Variants in KLF12 observed in about 807,000 individuals in gnomAD.
The protein encoded by KLF12 is KLF transcription factor 12, also known as Krueppel-like factor 12.
A neutral mutation model predicts 37.8 loss-of-function variants in KLF12; 9 were observed. The observed-to-expected ratio is 0.24, with a 90% confidence interval of 0.14 to 0.42. KLF12 has a LOEUF of 0.42. KLF12 is among the 10% of genes least tolerant of loss of function. The probability of loss-of-function intolerance (pLI) is 1.00; values close to 1 mark genes in which losing one functional copy is unlikely to be tolerated. For synonymous variants in KLF12, 208 were observed against 202.1 expected (o/e 1.03, Z -0.25); for missense variants, 411 against 516.0 (o/e 0.80, Z 1.97).
the KLF12 span, among the ~76,000 whole-genome samples, chr13:74,145,254 A>C: frequency 3.9e-5 from 6 of 152,142 alleles, no homozygotes; most frequent in South Asian, 1.0e-3. Flanking sequence ...TCACTATCAA[A>C]CTTGTGATTA....
chr13:74,138,385 T>C (rs954967570), upstream of KLF12, among the ~76,000 whole-genome samples: 2 of 152,214 alleles, frequency 1.3e-5, no homozygotes, highest in African/African-American at 4.8e-5. Flanking sequence ...AGCCTCTATT[T>C]TTCATATGTC....
chr13:73,726,100 G>T (rs981671356), intron 6 of KLF12, among the ~76,000 whole-genome samples: 4 of 151,916 alleles, frequency 2.6e-5, no homozygotes, highest in Non-Finnish European at 5.9e-5. Flanking sequence ...TGATCCGCCC[G>T]CCTCGGCCTC....
chr13:74,073,862 CA>C (rs1874415808), intron 1 of KLF12, among the ~76,000 whole-genome samples: 2 of 152,170 alleles, frequency 1.3e-5, no homozygotes. Flanking sequence ...TATCATTATG[CA>C]TGGTCGCATA....
At chr13:73,810,974 T>TTTTCTTTC (rs1248945543) in intron 5 of KLF12, among the ~76,000 whole-genome samples, 36 of 117,274 alleles carry the variant, frequency 3.1e-4, no homozygotes, top group African/African-American at 1.1e-3. Flanking sequence ...TTTTTTTAAT[T>TTTTCTTTC]TTTCTTTCTT....
At chr13:74,171,674 A>T in the KLF12 span, among the ~76,000 whole-genome samples, 2 of 152,216 alleles carry the variant, frequency 1.3e-5, no homozygotes, top group African/African-American at 2.4e-5. Context: ...GTGGAAGTAG[A>T]GTATAATGAA....
At chr13:73,845,370 T>G (rs1051717026) in intron 4 of KLF12, among the ~76,000 whole-genome samples, 1 of 152,190 alleles carries the variant, frequency 6.6e-6, no homozygotes, top group African/African-American at 2.4e-5. Context: ...GCACTGCAAC[T>G]TCACAACATT....
intron 6 of KLF12, among the ~76,000 whole-genome samples, chr13:73,720,270 C>G (rs1404703056): frequency 6.6e-6 from 1 of 152,174 alleles, no homozygotes; most frequent in Non-Finnish European, 1.5e-5. Context: ...CCTATGCTTT[C>G]TGAGCAACAT....
chr13:73,874,200 A>G (rs1394801151), intron 3 of KLF12, among the ~76,000 whole-genome samples: 3 of 152,224 alleles, frequency 2.0e-5, no homozygotes, highest in African/African-American at 4.8e-5. Context: ...GATTGTCTGA[A>G]TATTTGACCT....
At chr13:74,037,147 G>A (rs1413605630) in intron 1 of KLF12, among the ~76,000 whole-genome samples, 1 of 147,168 alleles carries the variant, frequency 6.8e-6, no homozygotes, top group Non-Finnish European at 1.5e-5. Context: ...AGGTTGCAGT[G>A]AGCCGAGATC....
At chr13:73,734,819 G>C (rs1877330827) in intron 6 of KLF12, among the ~76,000 whole-genome samples, 1 of 152,030 alleles carries the variant, frequency 6.6e-6, no homozygotes, top group Non-Finnish European at 1.5e-5. Context: ...AGAAAACTAA[G>C]GCTCACGAAA....
At chr13:74,023,164 G>T (rs983648208) in intron 1 of KLF12, among the ~76,000 whole-genome samples, 2 of 152,216 alleles carry the variant, frequency 1.3e-5, no homozygotes, top group Non-Finnish European at 2.9e-5. Context: ...AACCTCTGGG[G>T]ATGGGATCCT....
chr13:73,815,215 T>C lies in KLF12; in HGVS notation c.671-1928A>G, dbSNP rs760925295. ...GAGGAGATCCACTAGAAGAGGGATG[T>C]TGGAGAAACTGTAGGGCAAAGCAAC... On this transcript the variant is annotated intron_variant, in intron 4 of 7. Coordinates refer to ENST00000377669, the MANE Select transcript of KLF12 (RefSeq NM_007249.5). 1.3e-4 allele frequency among the ~76,000 whole-genome samples: 20 copies of C among 152,214 alleles called. 1 individual carries two copies. Among genetic ancestry groups the C allele is most frequent in the Admixed American group, 4.6e-4 (7 of 15,288 alleles).
intron 3 of KLF12, among the ~76,000 whole-genome samples, chr13:73,875,804 T>C (rs1469998664): frequency 6.6e-6 from 1 of 152,222 alleles, no homozygotes; most frequent in African/African-American, 2.4e-5. Flanking sequence ...ATTTTTATAC[T>C]GTCCTGATAA....
the KLF12 span, among the ~76,000 whole-genome samples, chr13:74,210,803 C>T: frequency 6.6e-6 from 1 of 152,164 alleles, no homozygotes; most frequent in Non-Finnish European, 1.5e-5. Flanking sequence ...GTTCTCCAGG[C>T]CTCAGATCCA....
intron 3 of KLF12, among the ~76,000 whole-genome samples, chr13:73,903,686 A>C (rs781036462): frequency 1.3e-5 from 2 of 152,172 alleles, no homozygotes; most frequent in African/African-American, 2.4e-5. Context: ...AATCAAGCTA[A>C]AGATACAATA....
At chr13:74,150,646 A>G in the KLF12 span, among the ~76,000 whole-genome samples, 4 of 152,204 alleles carry the variant, frequency 2.6e-5, no homozygotes, top group Non-Finnish European at 2.9e-5. Context: ...GAAACACTTG[A>G]TGGCATATCT....
chr13:74,289,927 A>G, the KLF12 span, among the ~76,000 whole-genome samples: 1 of 152,150 alleles, frequency 6.6e-6, no homozygotes, highest in Non-Finnish European at 1.5e-5. Context: ...AGAGTTAAAA[A>G]CTTGAGTGGG....
At chr13:73,977,395 C>T (rs948028733) in intron 2 of KLF12, among the ~76,000 whole-genome samples, 12 of 152,164 alleles carry the variant, frequency 7.9e-5, no homozygotes, top group Non-Finnish European at 1.6e-4. Flanking sequence ...AAAAATTACC[C>T]TTGAACTACC....
chr13:74,131,258 G>A (rs981566167), intron 1 of KLF12, among the ~76,000 whole-genome samples: 1 of 152,144 alleles, frequency 6.6e-6, no homozygotes, highest in Non-Finnish European at 1.5e-5. Flanking sequence ...ACAGGAGTCA[G>A]GGAAAATATC....
Sources: gnomAD v4.1 joint callset for allele counts (sites outside exome capture counted in the v4.1 genomes callset) on GRCh38, gnomAD v4.1.1 for gene constraint, MANE v1.5 for transcripts, NCBI Gene and HGNC (gene_info 2026-07-23, HGNC 2026-07-21) for gene names.